The following MOB3B variants were observed in gnomAD, a reference collection of about 807,000 sequenced individuals.
MOB3B encodes MOB kinase activator-like 2B.
In MOB3B, 7 loss-of-function variants were observed where a neutral mutation model predicts 18.7. That is an observed-to-expected ratio of 0.37 (90% CI 0.21 to 0.70). The LOEUF (loss-of-function observed/expected upper bound fraction) is 0.70, where lower values mean the gene tolerates loss of function less well. Ranked by LOEUF, MOB3B falls within the 30% of genes least tolerant of loss-of-function variation. The pLI is 0.52. For missense variants in MOB3B, 253 were observed against 281.3 expected, an observed-to-expected ratio of 0.90 and a Z score of 0.72; for synonymous variants, 111 against 99.9, an observed-to-expected ratio of 1.11 and a Z score of -0.66.
At chr9:27,524,758 A>T (rs1820403884) in intron 1 of MOB3B, 2 of 1,613,918 alleles carry the variant, frequency 1.2e-6, no homozygotes, top group Non-Finnish European at 1.7e-6. Context: ...GACATGAAAG[A>T]AATGAAAGAG....
chr9:27,473,597 G>A (rs1264797480), intron 1 of MOB3B, among the ~76,000 whole-genome samples: 1 of 152,102 alleles, frequency 6.6e-6, no homozygotes, highest in Non-Finnish European at 1.5e-5. Context: ...GGGCAGTGTG[G>A]GAAGGAATCT....
At chr9:27,484,865 C>T (rs959881836) in intron 1 of MOB3B, among the ~76,000 whole-genome samples, 1 of 152,170 alleles carries the variant, frequency 6.6e-6, no homozygotes, top group Non-Finnish European at 1.5e-5. Flanking sequence ...AAACTACATC[C>T]ACACAGTCAG....
At chr9:27,425,960 C>T (rs928486840) in intron 2 of MOB3B, among the ~76,000 whole-genome samples, 2 of 152,254 alleles carry the variant, frequency 1.3e-5, no homozygotes, top group East Asian at 1.9e-4. Flanking sequence ...AGACGTTAGA[C>T]GAAATAGCCC....
chr9:27,442,047 C>G (rs1170120366), intron 2 of MOB3B, among the ~76,000 whole-genome samples: 1 of 152,116 alleles, frequency 6.6e-6, no homozygotes, highest in Admixed American at 6.5e-5. Context: ...ATATTACTCT[C>G]TTTACTCAAA....
At chr9:27,338,169 CT>C (rs1820889914) in intron 3 of MOB3B, among the ~76,000 whole-genome samples, 2 of 152,216 alleles carry the variant, frequency 1.3e-5, no homozygotes, top group African/African-American at 4.8e-5. Flanking sequence ...CTTCCCGCCC[CT>C]GTCTGTGGCC....
chr9:27,354,849 G>A (rs1587150419), intron 3 of MOB3B, among the ~76,000 whole-genome samples: 3 of 152,156 alleles, frequency 2.0e-5, no homozygotes. Flanking sequence ...ACAGAAAAGA[G>A]GTCATGGGAG....
chr9:27,338,158 G>C (rs1820889578), intron 3 of MOB3B, among the ~76,000 whole-genome samples: 2 of 152,100 alleles, frequency 1.3e-5, no homozygotes, highest in Non-Finnish European at 2.9e-5. Flanking sequence ...TTCTGGATCT[G>C]CTTCCCGCCC....
At chr9:27,518,852 C>T (rs1374678798) in intron 1 of MOB3B, among the ~76,000 whole-genome samples, 1 of 152,186 alleles carries the variant, frequency 6.6e-6, no homozygotes, top group Non-Finnish European at 1.5e-5. Flanking sequence ...TAAGAAGTCA[C>T]ACGGCAGTTT....
At chr9:27,343,216 A>G (rs1426796654) in intron 3 of MOB3B, among the ~76,000 whole-genome samples, 3 of 151,702 alleles carry the variant, frequency 2.0e-5, no homozygotes, top group East Asian at 3.9e-4. Context: ...GTGTCCACTC[A>G]GGGTTAAATG....
At chr9:27,359,596 A>G (rs1587154037) in intron 2 of MOB3B, among the ~76,000 whole-genome samples, 1 of 152,348 alleles carries the variant, frequency 6.6e-6, no homozygotes, top group African/African-American at 2.4e-5. Context: ...AAAAAGTACC[A>G]TGAGTCAAAA....
chr9:27,495,409 C>G (rs761068879), intron 1 of MOB3B, among the ~76,000 whole-genome samples: 2 of 151,894 alleles, frequency 1.3e-5, no homozygotes, highest in African/African-American at 2.4e-5. Flanking sequence ...CAGGAGGGAC[C>G]GTGAGGCAGG....
chr9:27,491,830 A>C (rs1339104921), intron 1 of MOB3B, among the ~76,000 whole-genome samples: 2 of 152,132 alleles, frequency 1.3e-5, no homozygotes, highest in Non-Finnish European at 2.9e-5. Flanking sequence ...CCGAGATCGC[A>C]CCACTGCACT....
intron 1 of MOB3B, among the ~76,000 whole-genome samples, chr9:27,470,019 G>A (rs1023147645): frequency 1.3e-5 from 2 of 150,578 alleles, no homozygotes; most frequent in African/African-American, 4.9e-5. Context: ...GGCAGGAGGA[G>A]GATCACATGA....
At position 27,326,005 on chromosome 9, in the gene MOB3B, A is replaced by G. The variant is rs907595878; in HGVS notation, c.*4582T>C. 3 of 148,342 alleles carry G rather than the reference A, an allele frequency of 2.0e-5. No individual in the cohort carries two copies. The highest frequency in any genetic ancestry group is 6.7e-5 in the Admixed American group (1 of 14,828). 9.2% of individuals were successfully genotyped at this position (148,342 alleles called of 1,614,324 possible). A position where few individuals can be genotyped will look rare whatever the true frequency, so the allele number is the denominator to read the frequency against. On this transcript the variant is annotated 3_prime_UTR_variant, in exon 4 of 4. Transcript: ENST00000262244. ...TTTTTTTTTGAAACAACAACAGTGT[A>G]ATCTTTAACAGGGATGTTAAAGGTA...
At chr9:27,332,809 G>C (rs1820807421) in intron 3 of MOB3B, among the ~76,000 whole-genome samples, 1 of 152,210 alleles carries the variant, frequency 6.6e-6, no homozygotes, top group African/African-American at 2.4e-5. Flanking sequence ...AGGTCACATA[G>C]AAAGCTGCAG....
chr9:27,441,079 G>A (rs978783846), intron 2 of MOB3B, among the ~76,000 whole-genome samples: 4 of 152,088 alleles, frequency 2.6e-5, no homozygotes, highest in African/African-American at 9.7e-5. Flanking sequence ...CCTGACAGGA[G>A]GCTGAGATCA....
intron 1 of MOB3B, among the ~76,000 whole-genome samples, chr9:27,483,753 G>A (rs1819697228): frequency 6.6e-6 from 1 of 152,184 alleles, no homozygotes; most frequent in Admixed American, 6.5e-5. Context: ...TAAGGCCTCA[G>A]AAAATCTTAA....
At chr9:27,385,649 T>C (rs1821641160) in intron 2 of MOB3B, among the ~76,000 whole-genome samples, 1 of 152,272 alleles carries the variant, frequency 6.6e-6, no homozygotes, top group African/African-American at 2.4e-5. Context: ...AGGTACTTTC[T>C]GCAGGGCAGG....
chr9:27,486,884 A>G (rs1312571932), intron 1 of MOB3B, among the ~76,000 whole-genome samples: 1 of 152,182 alleles, frequency 6.6e-6, no homozygotes, highest in Non-Finnish European at 1.5e-5. Context: ...TAATGCCAGC[A>G]CTTTGGGAGG....
Sources: gnomAD v4.1 joint callset for allele counts (sites outside exome capture counted in the v4.1 genomes callset) on GRCh38, gnomAD v4.1.1 for gene constraint, MANE v1.5 for transcripts, NCBI Gene and HGNC (gene_info 2026-07-23, HGNC 2026-07-21) for gene names.